SPATA22: variants seen among roughly 807,000 people sequenced by gnomAD.
The protein encoded by SPATA22 is spermatogenesis associated 22.
A neutral mutation model predicts 47.8 loss-of-function variants in SPATA22; 29 were observed. The observed-to-expected ratio is 0.61, with a 90% CI of 0.45 to 0.83. SPATA22 has a LOEUF of 0.83. SPATA22 is among the 40% of genes least tolerant of loss of function. The pLI, the probability that SPATA22 is intolerant of heterozygous loss-of-function variation, is 0.00. For synonymous variants in SPATA22, 133 were observed against 140.9 expected (o/e 0.94, Z 0.40); for missense variants, 410 against 421.7 (o/e 0.97, Z 0.24).
At chr17:3,473,511 T>C (rs1177216143), upstream of SPATA22, among the ~76,000 whole-genome samples, 1 of 152,182 alleles carries the variant, frequency 6.6e-6, no homozygotes, top group Non-Finnish European at 1.5e-5. Flanking sequence ...TTTTGTTTTG[T>C]TTTTGAGACG....
chr17:3,446,020 C>T (rs2072718246), intron 7 of SPATA22, among the ~76,000 whole-genome samples: 1 of 152,076 alleles, frequency 6.6e-6, no homozygotes, highest in African/African-American at 2.4e-5. Context: ...ATTTTTCCAA[C>T]TTCTCAAAGA....
At chr17:3,455,092 T>C (rs1490627506) in intron 5 of SPATA22, among the ~76,000 whole-genome samples, 1 of 152,228 alleles carries the variant, frequency 6.6e-6, no homozygotes, top group Non-Finnish European at 1.5e-5. Flanking sequence ...GCTGCATAAA[T>C]GTCTTCTTTT....
At chr17:3,451,895 C>T (rs374614362) in intron 5 of SPATA22, among the ~76,000 whole-genome samples, 26 of 150,456 alleles carry the variant, frequency 1.7e-4, no homozygotes, top group African/African-American at 5.4e-4. Context: ...TGCAGTGAGC[C>T]GAGATTGCAC....
upstream of SPATA22, chr17:3,476,061 TAA>T: frequency 8.8e-7 from 1 of 1,137,814 alleles, no homozygotes; most frequent in Admixed American, 1.8e-5. Flanking sequence ...GCCCTTTGGG[TAA>T]AGTCTCATTT....
chr17:3,481,569 ATGT>A (rs2073627135), intron 1 of SPATA22: 1 of 1,575,974 alleles, frequency 6.3e-7, no homozygotes, highest in South Asian at 1.1e-5. Context: ...TCAGGCACAG[ATGT>A]TGTTCATCTT....
chr17:3,470,093 C>CAAAAAAAAAAA (rs57432043), intron 1 of SPATA22, among the ~76,000 whole-genome samples: 8 of 54,288 alleles, frequency 1.5e-4, no homozygotes, highest in East Asian at 6.2e-4. Flanking sequence ...GACTCCATCT[C>CAAAAAAAAAAA]AAAAAAAAAA....
rs532561378 is a variant in SPATA22, at chr17:3,495,984, C to A, written c.-74+17428G>T. Among the ~76,000 whole-genome samples the A allele has an allele frequency of 2.0e-5, 3 of 152,248 alleles. No homozygotes were observed. In the East Asian group the frequency reaches 5.8e-4, roughly 29 times the overall value. On this transcript the variant is annotated intron_variant, in intron 1 of 8. Coordinates refer to the SPATA22 transcript ENST00000541913. ...GCCAAGGTGATGATATCATGGCAGGCTAAAACAGGATTTTTCAGGTTTTAG... is the reference window on the plus strand; with the variant it reads ...GCCAAGGTGATGATATCATGGCAGGATAAAACAGGATTTTTCAGGTTTTAG...
chr17:3,464,234 G>C (rs913387512), intron 3 of SPATA22, among the ~76,000 whole-genome samples: 4 of 151,780 alleles, frequency 2.6e-5, no homozygotes, highest in African/African-American at 9.7e-5. Flanking sequence ...CGCCAGCCTC[G>C]GCCTCCGGAG....
At chr17:3,477,243 T>C (rs756358994) in intron 1 of SPATA22, among the ~76,000 whole-genome samples, 4 of 152,248 alleles carry the variant, frequency 2.6e-5, no homozygotes, top group Non-Finnish European at 4.4e-5. Flanking sequence ...TGGTGGATTG[T>C]TGTAGATGGG....
chr17:3,499,152 A>T (rs1355341776), intron 1 of SPATA22: 1 of 1,545,474 alleles, frequency 6.5e-7, no homozygotes, highest in Non-Finnish European at 8.8e-7. Flanking sequence ...TAAGCTCCTT[A>T]AGAGTAGGGT....
chr17:3,506,614 A>G (rs913393198), intron 1 of SPATA22, among the ~76,000 whole-genome samples: 1 of 152,218 alleles, frequency 6.6e-6, no homozygotes, highest in African/African-American at 2.4e-5. Context: ...CATAGAGAGC[A>G]TAGAGAGAGG....
chr17:3,464,977 A>C (rs2073253828), intron 3 of SPATA22, among the ~76,000 whole-genome samples: 1 of 97,888 alleles, frequency 1.0e-5, no homozygotes, highest in Non-Finnish European at 2.7e-5. Context: ...GGAAGTGAGG[A>C]GCCCCTCTGC....
chr17:3,474,785 A>T (rs1385977731), upstream of SPATA22, among the ~76,000 whole-genome samples: 2 of 152,208 alleles, frequency 1.3e-5, no homozygotes. Flanking sequence ...ATGGCTGTTT[A>T]TGTGAATTCT....
At chr17:3,476,524 G>C, upstream of SPATA22, 1 of 870,068 alleles carries the variant, frequency 1.1e-6, no homozygotes, top group Non-Finnish European at 1.9e-6. Flanking sequence ...TGTTGAATAA[G>C]ATCACTTTCA....
chr17:3,494,439 A>G (rs1340813273), intron 1 of SPATA22: 6 of 1,608,390 alleles, frequency 3.7e-6, no homozygotes, highest in South Asian at 1.1e-5. Context: ...AATTGCTGCT[A>G]TCATCCATCC....
intron 5 of SPATA22, among the ~76,000 whole-genome samples, chr17:3,451,191 T>TA (rs36089526): frequency 0.23 from 35,574 of 151,940 alleles, 4,441 homozygotes; most frequent in East Asian, 0.43. Context: ...GACTTTAAGT[T>TA]AAAAGTTGTT....
intron 1 of SPATA22, among the ~76,000 whole-genome samples, chr17:3,505,827 C>G (rs9908616): frequency 0.95 from 144,093 of 150,900 alleles, 69,102 homozygotes; most frequent in East Asian, 1. Context: ...GCATGATCTC[C>G]GCTCACTGTA....
At chr17:3,443,415 A>T (rs1461504222) in intron 7 of SPATA22, 144 bp from the exon 8 acceptor site, 1 of 589,620 alleles carries the variant, frequency 1.7e-6, no homozygotes, top group African/African-American at 1.9e-5. Flanking sequence ...CATTTTAAGA[A>T]GAGAAGATAT....
At chr17:3,462,080 G>A (rs766262268) in intron 5 of SPATA22, among the ~76,000 whole-genome samples, 6 of 152,046 alleles carry the variant, frequency 3.9e-5, no homozygotes, top group East Asian at 1.9e-4. Flanking sequence ...CCTTGAAGCC[G>A]GCTGTCTTAC....
Sources: gnomAD v4.1 joint callset for allele counts (sites outside exome capture counted in the v4.1 genomes callset) on GRCh38, gnomAD v4.1.1 for gene constraint, MANE v1.5 for transcripts, NCBI Gene and HGNC (gene_info 2026-07-23, HGNC 2026-07-21) for gene names.